The following CLGN variants were observed in gnomAD, a reference collection of about 807,000 sequenced individuals.
The protein encoded by CLGN is testis tissue sperm-binding protein Li 79P.
CLGN carries 62 observed loss-of-function variants against 79.1 expected under a neutral mutation model. The observed-to-expected ratio is 0.78, with a 90% confidence interval of 0.64 to 0.97. The LOEUF (loss-of-function observed/expected upper bound fraction) is 0.97, where lower values mean the gene tolerates loss of function less well. CLGN is among the 50% of genes least tolerant of loss of function. CLGN has a pLI of 0.00. For missense variants in CLGN, 647 were observed against 715.5 expected, an observed-to-expected ratio of 0.90 and a Z score of 1.09; for synonymous variants, 225 against 224.7, an observed-to-expected ratio of 1.00 and a Z score of -0.01.
chr4:140,416,082 A>G (rs1408110029), intron 1 of CLGN, among the ~76,000 whole-genome samples: 1 of 71,144 alleles, frequency 1.4e-5, no homozygotes, highest in East Asian at 3.3e-4. Context: ...GAAACTGAAC[A>G]ACCTGCTCCT....
Position 140,425,692 on chromosome 4 carries a change from A to T in CLGN, c.-10+1845T>A, listed in dbSNP as rs1157780996. ...CACCCAGGCTGGAGTGCAGTGGCACAATCTCGGCTCACTGCAACCTCTGCC... is the reference window on the plus strand; with the variant it reads ...CACCCAGGCTGGAGTGCAGTGGCACTATCTCGGCTCACTGCAACCTCTGCC... On this transcript the variant is annotated intron_variant, in intron 1 of 14. Transcript: ENST00000325617. Among the ~76,000 whole-genome samples the T allele has an allele frequency of 2.8e-5, 4 of 141,142 alleles. No individual in the cohort carries two copies. In the East Asian group the frequency reaches 6.2e-4, roughly 22 times the overall value. 92.6% of individuals were successfully genotyped at this position (141,142 alleles called of 152,430 possible).
Position 140,414,293 on chromosome 4 carries a change from C to T in CLGN, c.-9-1206G>A, listed in dbSNP as rs1578605390. 3.3e-5 allele frequency among the ~76,000 whole-genome samples: 5 copies of T among 152,192 alleles called. No homozygotes were observed. In the East Asian group the frequency reaches 9.7e-4, roughly 29 times the overall value. On this transcript the variant is annotated intron_variant, in intron 1 of 14. Coordinates refer to ENST00000325617, the MANE Select transcript of CLGN (RefSeq NM_004362.3). ...CTGGAAACTCTAAAAAGCAGAGCGCCTCTCCTCCTCCAAAGGAATGCAGTT... is the reference window on the plus strand; with the variant it reads ...CTGGAAACTCTAAAAAGCAGAGCGCTTCTCCTCCTCCAAAGGAATGCAGTT...
chr4:140,403,034 T>C (rs1473958182), intron 5 of CLGN, among the ~76,000 whole-genome samples: 1 of 152,092 alleles, frequency 6.6e-6, no homozygotes, highest in Non-Finnish European at 1.5e-5. Flanking sequence ...TTGAACTCAA[T>C]TGGTGTACAT....
chr4:140,394,203 T>C (rs767869735), intron 10 of CLGN, among the ~76,000 whole-genome samples, 162 bp from the exon 11 acceptor site: 1 of 152,210 alleles, frequency 6.6e-6, no homozygotes, highest in Non-Finnish European at 1.5e-5. Flanking sequence ...TAAAATCTTG[T>C]TTCTTTTGCT....
intron 2 of CLGN, among the ~76,000 whole-genome samples, chr4:140,412,020 T>C (rs1482366702): frequency 2.6e-5 from 4 of 152,118 alleles, no homozygotes; most frequent in Non-Finnish European, 5.9e-5. Flanking sequence ...GAAGTATTAA[T>C]ATTAACCTTC....
At chr4:140,406,783 G>A (rs1162745407) in intron 4 of CLGN, among the ~76,000 whole-genome samples, 1 of 152,182 alleles carries the variant, frequency 6.6e-6, no homozygotes, top group Non-Finnish European at 1.5e-5. Context: ...GCAAAGCTAG[G>A]TGGGCTACCT....
intron 1 of CLGN, among the ~76,000 whole-genome samples, chr4:140,422,093 G>A (rs1469945292): frequency 6.6e-6 from 1 of 152,080 alleles, no homozygotes. Context: ...GAACATATAT[G>A]TGGGAATTTA....
intron 1 of CLGN, among the ~76,000 whole-genome samples, chr4:140,424,616 G>A (rs1220267683): frequency 1.3e-5 from 2 of 152,102 alleles, no homozygotes; most frequent in Admixed American, 6.6e-5. Context: ...ATATGGTATA[G>A]GGTAGAACAT....
chr4:140,398,269 T>A (rs1390323343), intron 8 of CLGN, among the ~76,000 whole-genome samples: 1 of 142,442 alleles, frequency 7.0e-6, no homozygotes, highest in African/African-American at 2.7e-5. Flanking sequence ...TACTCTTTTT[T>A]TTTTTTTTTT....
chr4:140,390,639 A>T lies in CLGN; in HGVS notation c.1741T>A (p.Ser581Thr), dbSNP rs1290033273. Residue 581 changes from serine (S) to threonine (T), a missense_variant, in exon 14 of 15, where the codon TCA (serine) becomes ACA (threonine). Coordinates refer to ENST00000325617, the MANE Select transcript of CLGN (RefSeq NM_004362.3). ...TTATTTTCTGTTACCTCATCCTCTG[A>T]CCCAGACTTATTTGATTGATTACTT... ...EESNQSNKSG[S>T]EDEMKEADES... 6.3e-7 allele frequency: 1 copy of T among 1,593,940 alleles called. No homozygotes were observed. The highest frequency in any genetic ancestry group is 1.7e-5 in the Admixed American group (1 of 58,416).
intron 1 of CLGN, among the ~76,000 whole-genome samples, chr4:140,415,223 CA>C (rs1393844143): frequency 6.6e-6 from 1 of 152,188 alleles, no homozygotes; most frequent in Non-Finnish European, 1.5e-5. Context: ...AAAGGAACAA[CA>C]GGTACCAGCT....
rs34492995 is a variant in CLGN, at chr4:140,392,346, G to A, written c.1524C>T (p.Thr508=). Reference sequence around the variant, plus strand: ...CTTTTGTTTGTGGTATACATATGTCGGTTTTTTTATACTCTGTATCTTTAT... The same window carrying A: ...CTTTTGTTTGTGGTATACATATGTCAGTTTTTTTATACTCTGTATCTTTAT... ...KKHKDTEYKK[T]DICIPQTKGV... Residue 508 remains threonine (T), a synonymous_variant, in exon 13 of 15, where the codon ACC becomes ACT. Coordinates refer to ENST00000325617, the MANE Select transcript of CLGN (RefSeq NM_004362.3). 17,933 of 1,605,768 alleles carry A rather than the reference G, an allele frequency of 0.011. 140 individuals are homozygous for A. The highest frequency in any genetic ancestry group is 0.013 in the Non-Finnish European group (15,676 of 1,176,502).
intron 11 of CLGN, 67 bp downstream of exon 11, chr4:140,393,759 A>G (rs1454380019): frequency 1.4e-6 from 2 of 1,380,366 alleles, no homozygotes; most frequent in Non-Finnish European, 2.0e-6. Context: ...CATCTGAATA[A>G]CCTACAACCA....
Position 140,398,961 on chromosome 4 carries a change from A to AACCACATCCTCTAGGAGGC in CLGN, c.755_773dup (p.Ile261ArgfsTer14), listed in dbSNP as rs1728945978. 1.9e-5 allele frequency: 31 copies of AACCACATCCTCTAGGAGGC among 1,613,770 alleles called. No homozygotes were observed. Among genetic ancestry groups the AACCACATCCTCTAGGAGGC allele is most frequent in the Non-Finnish European group, 2.6e-5 (31 of 1,179,882 alleles). On this transcript the variant is annotated frameshift_variant, in exon 8 of 15. Transcript: ENST00000325617. LOFTEE classifies it high-confidence loss of function. ...TTTCTTTGGGAGGTTTGATAGGAGG[A>AACCACATCCTCTAGGAGGC]ACCACATCCTCTAGGAGGCTTCCTT...
chr4:140,412,809 A>C, intron 2 of CLGN, 126 bp downstream of exon 2: 3 of 885,868 alleles, frequency 3.4e-6, no homozygotes, highest in Non-Finnish European at 5.0e-6. Flanking sequence ...CTTAGAAAAA[A>C]AATCAATGTT....
intron 13 of CLGN, 80 bp from the exon 14 acceptor site, chr4:140,390,808 G>A: frequency 2.7e-6 from 2 of 735,850 alleles, no homozygotes; most frequent in South Asian, 3.5e-5. Context: ...ACAATAAATG[G>A]GATTTATTTA....
intron 8 of CLGN, among the ~76,000 whole-genome samples, chr4:140,398,390 C>T (rs1428154554): frequency 6.6e-6 from 1 of 151,432 alleles, no homozygotes; most frequent in Non-Finnish European, 1.5e-5. Context: ...CTGCCTCAGC[C>T]TCCCGAGTAG....
chr4:140,408,552 G>T (rs1729149940), intron 4 of CLGN, among the ~76,000 whole-genome samples: 1 of 151,880 alleles, frequency 6.6e-6, no homozygotes. Flanking sequence ...ATATAGAAAT[G>T]GCCAACGAAC....
chr4:140,407,896 A>C (rs372689404), intron 4 of CLGN, among the ~76,000 whole-genome samples: 1 of 152,258 alleles, frequency 6.6e-6, no homozygotes, highest in Admixed American at 6.5e-5. Context: ...AAGCAAAAAG[A>C]ACAAATCTGG....
Sources: gnomAD v4.1 joint callset for allele counts (sites outside exome capture counted in the v4.1 genomes callset) on GRCh38, gnomAD v4.1.1 for gene constraint, MANE v1.5 for transcripts, NCBI Gene and HGNC (gene_info 2026-07-23, HGNC 2026-07-21) for gene names.